The following HEATR4 variants were observed in gnomAD, a reference collection of about 807,000 sequenced individuals.
HEATR4 encodes the protein HEAT repeat containing 4, also known as HEAT repeat-containing protein 4.
Under a neutral mutation model 108.8 loss-of-function variants are expected in HEATR4, and 95 were observed. The observed-to-expected ratio is 0.87, with a 90% confidence interval of 0.74 to 1.04. The LOEUF is 1.04. HEATR4 is among the 50% of genes least tolerant of loss of function. HEATR4 has a pLI of 0.00. For synonymous variants in HEATR4, 443 were observed against 459.4 expected, an observed-to-expected ratio of 0.96 and a Z score of 0.46; for missense variants, 1,152 against 1,253.8, an observed-to-expected ratio of 0.92 and a Z score of 1.23.
chr14:73,559,560 T>G (rs1243607015), upstream of HEATR4, among the ~76,000 whole-genome samples: 3 of 151,624 alleles, frequency 2.0e-5, no homozygotes, highest in South Asian at 2.1e-4. Flanking sequence ...TGAAACCCCA[T>G]CTCTACTAAA....
At chr14:73,607,546 A>G in the HEATR4 span, among the ~76,000 whole-genome samples, 6 of 152,154 alleles carry the variant, frequency 3.9e-5, no homozygotes, top group Admixed American at 1.3e-4. Flanking sequence ...GGTGATTATC[A>G]TTAGGCTCCT....
chr14:73,508,803 A>AG (rs1475363629), intron 8 of HEATR4, among the ~76,000 whole-genome samples: 1 of 150,520 alleles, frequency 6.6e-6, no homozygotes, highest in African/African-American at 2.4e-5. Context: ...ACTTGGTGGC[A>AG]GTGTACCTGT....
At chr14:73,572,639 ATTTTTTTT>A in the HEATR4 span, among the ~76,000 whole-genome samples, 2,622 of 107,166 alleles carry the variant, frequency 0.024, 143 homozygotes, top group South Asian at 0.091. Flanking sequence ...AGGTGTTTGC[ATTTTTTTT>A]TTTTTTTTTT....
chr14:73,479,476 T>C (rs1885162594), intron 17 of HEATR4, among the ~76,000 whole-genome samples: 2 of 147,704 alleles, frequency 1.4e-5, no homozygotes. Flanking sequence ...TTCGCTCTTG[T>C]TGCCCAGGCT....
intron 17 of HEATR4, chr14:73,490,966 C>A: frequency 1.5e-6 from 2 of 1,309,242 alleles, no homozygotes; most frequent in Non-Finnish European, 2.0e-6. Flanking sequence ...TCAGGAACCG[C>A]TTTAGCTTCG....
At chr14:73,569,718 G>T in the HEATR4 span, 14 of 1,609,328 alleles carry the variant, frequency 8.7e-6, no homozygotes, top group Non-Finnish European at 1.2e-5. Context: ...GAAGCGCGAC[G>T]TGCGAACGCC....
At chr14:73,591,569 C>G in the HEATR4 span, 2 of 183,818 alleles carry the variant, frequency 1.1e-5, no homozygotes, top group African/African-American at 4.7e-5. Context: ...AAAACAAAAC[C>G]TTCCATGGAG....
In HEATR4 at chr14:73,496,664, T is replaced by C; in HGVS notation, c.2562A>G (p.Thr854=). The C allele has an allele frequency of 2.5e-6, 4 of 1,583,206 alleles. No homozygotes were observed. Among genetic ancestry groups the C allele is most frequent in the Non-Finnish European group, 3.5e-6 (4 of 1,151,972 alleles). The change falls in exon 15 of 18, where the codon ACA becomes ACG. Residue 854 remains threonine, a synonymous_variant. Transcript: ENST00000553558. Reference sequence around the variant, plus strand: ...CATTTCCTAAGTTGAGTATCTTCATTGTCTGGTACATTTCTCTGAAAGATA... The same window carrying C: ...CATTTCCTAAGTTGAGTATCTTCATCGTCTGGTACATTTCTCTGAAAGATA... The part of the protein sequence containing the change: ...HDAVLKEMYQ[T]MKILNLGNEG...
chr14:73,497,274 A>G (rs1164560232), intron 14 of HEATR4, among the ~76,000 whole-genome samples: 1 of 152,232 alleles, frequency 6.6e-6, no homozygotes, highest in African/African-American at 2.4e-5. Flanking sequence ...TCCTGACCTC[A>G]GGTGATCCAT....
At chr14:73,595,618 G>A in the HEATR4 span, 1 of 1,538,158 alleles carries the variant, frequency 6.5e-7, no homozygotes, top group Non-Finnish European at 8.7e-7. Context: ...GCAAACACCT[G>A]GGAGGTACCC....
intron 1 of HEATR4, among the ~76,000 whole-genome samples, chr14:73,533,448 G>A (rs1172876560): frequency 8.7e-6 from 1 of 115,396 alleles, no homozygotes; most frequent in Non-Finnish European, 1.9e-5. Flanking sequence ...GGAGGCCGAG[G>A]AGGGTAGATC....
At chr14:73,629,892 C>A in the HEATR4 span, among the ~76,000 whole-genome samples, 5 of 151,886 alleles carry the variant, frequency 3.3e-5, no homozygotes, top group African/African-American at 1.2e-4. Flanking sequence ...TGAGATCCGC[C>A]CTCCTCGGCC....
intron 17 of HEATR4, chr14:73,490,983 G>T (rs890843221): frequency 7.5e-7 from 1 of 1,326,138 alleles, no homozygotes; most frequent in South Asian, 2.2e-5. Flanking sequence ...TTCGCCCCCG[G>T]CCGGCCGGGC....
At chr14:73,562,213 G>A (rs926410147), upstream of HEATR4, among the ~76,000 whole-genome samples, 1 of 152,006 alleles carries the variant, frequency 6.6e-6, no homozygotes, top group Non-Finnish European at 1.5e-5. Flanking sequence ...GACCCCGAAT[G>A]GAGGGACCGG....
At chr14:73,560,524 G>C (rs1330838855), upstream of HEATR4, among the ~76,000 whole-genome samples, 1 of 151,746 alleles carries the variant, frequency 6.6e-6, no homozygotes, top group Non-Finnish European at 1.5e-5. Context: ...TTAGCCAGGC[G>C]TGGTGGCAGG....
chr14:73,522,491 T>A lies in HEATR4; in HGVS notation c.662A>T (p.Lys221Met). The A allele has an allele frequency of 6.2e-7, 1 of 1,614,224 alleles. No homozygotes were observed. The highest frequency in any genetic ancestry group is 8.5e-7 in the Non-Finnish European group (1 of 1,180,034). Residue 221 changes from lysine (K) to methionine (M), a missense_variant, in exon 3 of 18, where the codon AAG becomes ATG. Transcript: ENST00000553558. ...NERTARWIQS[K>M]RPRRPGASPN... ...GGATGCCCCAGGCCTTCGAGGACGC[T>A]TGCTCTGGATCCATCGGGCTGTGCG... is the stretch of plus-strand genomic sequence containing the variant.
At chr14:73,632,843 C>CAA in the HEATR4 span, among the ~76,000 whole-genome samples, 15,058 of 108,180 alleles carry the variant, frequency 0.14, 1,302 homozygotes, top group African/African-American at 0.21. Context: ...GACCCTGTCT[C>CAA]AAAAAAAAAA....
chr14:73,490,939 C>T, intron 17 of HEATR4: 3 of 1,276,868 alleles, frequency 2.3e-6, no homozygotes, highest in Non-Finnish European at 9.9e-7. Context: ...TCCCAGAGTG[C>T]ACCGCAGCCG....
the HEATR4 span, among the ~76,000 whole-genome samples, chr14:73,602,606 C>T: frequency 1.3e-5 from 2 of 152,148 alleles, no homozygotes; most frequent in Non-Finnish European, 2.9e-5. Flanking sequence ...ATTCTTTTGT[C>T]TCTTTATTCC....
Sources: gnomAD v4.1 joint callset for allele counts (sites outside exome capture counted in the v4.1 genomes callset) on GRCh38, gnomAD v4.1.1 for gene constraint, MANE v1.5 for transcripts, NCBI Gene and HGNC (gene_info 2026-07-23, HGNC 2026-07-21) for gene names.